EFCAB6: variants seen among roughly 807,000 people sequenced by gnomAD.
EFCAB6 encodes the protein EF-hand calcium binding domain 6.
In EFCAB6, 156 loss-of-function variants were observed where a neutral mutation model predicts 169.8. The ratio of observed to expected loss-of-function variants is 0.92; its 90% CI spans 0.81 to 1.05. EFCAB6 has a LOEUF of 1.05. Ranked by LOEUF, EFCAB6 falls within the 50% of genes least tolerant of loss-of-function variation. The pLI is 0.00. For missense variants in EFCAB6, 1,800 were observed against 1,829.1 expected (o/e 0.98, Z 0.29); for synonymous variants, 698 against 676.4 (o/e 1.03, Z -0.50).
chr22:43,709,351 G>A (rs1399281764), intron 10 of EFCAB6, among the ~76,000 whole-genome samples: 2 of 152,048 alleles, frequency 1.3e-5, no homozygotes, highest in Non-Finnish European at 2.9e-5. Context: ...CAAAATGCTG[G>A]AATTACATGC....
intron 17 of EFCAB6, among the ~76,000 whole-genome samples, chr22:43,662,180 T>TAAC (rs1279665494): frequency 2.0e-5 from 3 of 147,280 alleles, no homozygotes; most frequent in South Asian, 2.1e-4. Context: ...ATAATAATAA[T>TAAC]AATAATAATA....
At chr22:43,687,357 G>A in intron 11 of EFCAB6, 114 bp downstream of exon 11, 1 of 670,742 alleles carries the variant, frequency 1.5e-6, no homozygotes, top group East Asian at 3.0e-5. Flanking sequence ...ATTATTCAAT[G>A]GAGACTAATC....
At chr22:43,645,981 A>G (rs1192993031) in intron 17 of EFCAB6, among the ~76,000 whole-genome samples, 1 of 152,258 alleles carries the variant, frequency 6.6e-6, no homozygotes, top group African/African-American at 2.4e-5. Context: ...GCAAAGATCC[A>G]GAACCCAGCT....
intron 4 of EFCAB6, among the ~76,000 whole-genome samples, chr22:43,767,758 T>C (rs901568700): frequency 6.6e-6 from 1 of 152,208 alleles, no homozygotes; most frequent in Non-Finnish European, 1.5e-5. Context: ...CAAGCTTTCA[T>C]TGCATTTCAT....
intron 2 of EFCAB6, among the ~76,000 whole-genome samples, chr22:43,786,888 G>A (rs183889062): frequency 1.7e-3 from 261 of 152,122 alleles, no homozygotes; most frequent in Non-Finnish European, 3.0e-3. Context: ...TGCTAGGAAT[G>A]CAAGAGAGGT....
rs2060491520 is a variant in EFCAB6, at chr22:43,744,452, G to T, written c.508-8459C>A. On this transcript the variant is annotated intron_variant, in intron 6 of 31. Transcript: ENST00000262726. This position sits in a 1 kb window ranked among gnomAD's most constrained non-coding sequence, Gnocchi z 4.3. The stretch of plus-strand genomic sequence containing the variant: ...GCAGAGCAAGGCAGAAGCAGCAGAT[G>T]AAAGCAGCCTGAACACCTATTTTGG... Among the ~76,000 whole-genome samples the T allele has an allele frequency of 6.6e-6, 1 of 152,200 alleles. No homozygotes were observed.
In EFCAB6 at chr22:43,687,556, T is replaced by C; in HGVS notation, c.1057A>G (p.Ile353Val). 1 of 1,604,874 alleles carries C rather than the reference T, an allele frequency of 6.2e-7. No individual in the cohort carries two copies. Among genetic ancestry groups the C allele is most frequent in the East Asian group, 2.2e-5 (1 of 44,634 alleles). ...KRFGLKATTK[I>V]NWKQFLTSFH... ...GATGTTAGAAATTGCTTCCAATTGATTTTAGTGGTGGCTTTAAGTCCAAAT... is the reference window on the plus strand; with the variant it reads ...GATGTTAGAAATTGCTTCCAATTGACTTTAGTGGTGGCTTTAAGTCCAAAT... Residue 353 changes from isoleucine to valine, a missense_variant, in exon 11 of 32, where the codon ATC (isoleucine) becomes GTC (valine). Coordinates refer to ENST00000262726, the MANE Select transcript of EFCAB6 (RefSeq NM_022785.4).
intron 10 of EFCAB6, among the ~76,000 whole-genome samples, chr22:43,708,815 C>T (rs1014256642): frequency 6.6e-6 from 1 of 151,980 alleles, no homozygotes; most frequent in South Asian, 2.1e-4. Context: ...ATATGTGTAC[C>T]AGGAGAATTG....
intron 17 of EFCAB6, among the ~76,000 whole-genome samples, chr22:43,651,594 C>T (rs1211100138): frequency 1.3e-5 from 2 of 152,224 alleles, no homozygotes; most frequent in Admixed American, 6.5e-5. Context: ...GGGCCACCAT[C>T]CTCCAAACCC....
intron 7 of EFCAB6, among the ~76,000 whole-genome samples, chr22:43,733,472 C>G (rs180863514): frequency 6.0e-4 from 91 of 152,262 alleles, no homozygotes; most frequent in Non-Finnish European, 1.1e-3. Flanking sequence ...TTGAGATGTC[C>G]TGATTAAGTA....
intron 11 of EFCAB6, 139 bp from the exon 12 acceptor site, chr22:43,683,994 T>G: frequency 1.5e-6 from 1 of 647,180 alleles, no homozygotes; most frequent in South Asian, 1.9e-5. Context: ...GACAGTGTGC[T>G]GCACTTGTGG....
chr22:43,535,144 C>G, intron 29 of EFCAB6: 1 of 372,730 alleles, frequency 2.7e-6, no homozygotes, highest in Non-Finnish European at 4.8e-6. Flanking sequence ...GGAGCTATGA[C>G]CAAAACACAG....
At chr22:43,545,210 CTT>C (rs1490293717) in intron 27 of EFCAB6, among the ~76,000 whole-genome samples, 1 of 152,058 alleles carries the variant, frequency 6.6e-6, no homozygotes, top group East Asian at 1.9e-4. Flanking sequence ...ATGATTATGT[CTT>C]TTTCAATGGT....
At chr22:43,677,870 G>A (rs909919791) in intron 13 of EFCAB6, 126 bp downstream of exon 13, 1 of 950,832 alleles carries the variant, frequency 1.1e-6, no homozygotes, top group Non-Finnish European at 1.5e-6. Flanking sequence ...CACTTAAAAT[G>A]ATTGAGTTGA....
At chr22:43,734,474 G>A (rs997612172) in intron 7 of EFCAB6, among the ~76,000 whole-genome samples, 1 of 152,052 alleles carries the variant, frequency 6.6e-6, no homozygotes, top group African/African-American at 2.4e-5. Flanking sequence ...TATGAGATGG[G>A]GAAACAGACA....
chr22:43,769,610 A>T (rs1436880533), intron 4 of EFCAB6, among the ~76,000 whole-genome samples: 1 of 152,096 alleles, frequency 6.6e-6, no homozygotes, highest in African/African-American at 2.4e-5. Flanking sequence ...TTTTTTTTTA[A>T]GGGAAGAGAA....
At chr22:43,534,124 A>T (rs2047245403) in intron 30 of EFCAB6, among the ~76,000 whole-genome samples, 1 of 152,234 alleles carries the variant, frequency 6.6e-6, no homozygotes, top group Non-Finnish European at 1.5e-5. Context: ...ATCTCTTCTC[A>T]AATTGTAATC....
intron 26 of EFCAB6, among the ~76,000 whole-genome samples, chr22:43,575,789 G>A (rs1334338050): frequency 2.0e-5 from 3 of 152,096 alleles, no homozygotes; most frequent in South Asian, 4.1e-4. Context: ...AATACTTAAT[G>A]TCTCTGTGCC....
Position 43,537,194 on chromosome 22 carries a change from C to T in EFCAB6, c.4048+183G>A, listed in dbSNP as rs1002678679. 29 of 663,390 alleles carry T rather than the reference C, an allele frequency of 4.4e-5. No individual in the cohort carries two copies. The highest frequency in any genetic ancestry group is 1.1e-4 in the East Asian group (4 of 36,716). 41.1% of individuals were successfully genotyped at this position (663,390 alleles called of 1,614,324 possible). A position where few individuals can be genotyped will look rare whatever the true frequency, so the allele number is the denominator to read the frequency against. ...CCCCCTGCTGGGAGGGCCGGGTAGT[C>T]GGAATCCTCCTCCATGGGGACCTTT... On this transcript the variant is annotated intron_variant, in intron 29 of 31. Coordinates refer to ENST00000262726, the MANE Select transcript of EFCAB6 (RefSeq NM_022785.4). The surrounding 1 kb of genome is among the most constrained non-coding windows in gnomAD (Gnocchi z 4.3).
Sources: allele counts gnomAD v4.1 joint callset (sites outside exome capture counted in the v4.1 genomes callset), GRCh38; gene constraint gnomAD v4.1.1; non-coding constraint Gnocchi (gnomAD v3.1); transcripts MANE v1.5; gene names NCBI Gene and HGNC (gene_info 2026-07-23, HGNC 2026-07-21).